UBE2Q2: variants seen among roughly 807,000 people sequenced by gnomAD.
The protein encoded by UBE2Q2 is ubiquitin conjugating enzyme E2 Q2.
A neutral mutation model predicts 59.9 loss-of-function variants in UBE2Q2; 54 were observed. The observed-to-expected ratio is 0.90, with a 90% confidence interval of 0.72 to 1.13. The LOEUF (loss-of-function observed/expected upper bound fraction) is 1.13. UBE2Q2 is among the 50% of genes most tolerant of loss of function. The pLI, the probability that UBE2Q2 is intolerant of heterozygous loss-of-function variation, is 0.00. For synonymous variants in UBE2Q2, 165 were observed against 155.2 expected (o/e 1.06, Z -0.47); for missense variants, 433 against 441.9 (o/e 0.98, Z 0.18).
chr15:75,876,083 A>AAAATT, intron 5 of UBE2Q2, 104 bp from the exon 6 acceptor site: 2 of 1,130,676 alleles, frequency 1.8e-6, no homozygotes, highest in Non-Finnish European at 2.5e-6. Context: ...AAAAAAAAAA[A>AAAATT]TGTTGAGTGG....
intron 4 of UBE2Q2, among the ~76,000 whole-genome samples, chr15:75,869,557 G>T (rs2655137): frequency 0.099 from 15,045 of 152,182 alleles, 1,891 homozygotes; most frequent in African/African-American, 0.3. Flanking sequence ...TACCAACATT[G>T]GGTGTCTGAG....
rs1316994853 is a variant in UBE2Q2, at chr15:75,843,598, CTCCGGGCCCGGCTCCCCT to C, written c.-64_-47del. ...GGGGCGGTCGCGGCCGTGACGGCGG[CTCCGGGCCCGGCTCCCCT>C]TCCGCGCCCGGCTCCCCTTCCGCGC... On this transcript the variant is annotated 5_prime_UTR_variant, in exon 1 of 13. Transcript: ENST00000267938. 167 of 1,405,002 alleles carry C rather than the reference CTCCGGGCCCGGCTCCCCT, an allele frequency of 1.2e-4. 1 individual carries two copies. In the African/African-American group the frequency reaches 1.4e-3, roughly 12 times the overall value. 87.0% of individuals were successfully genotyped at this position (1,405,002 alleles called of 1,614,324 possible).
intron 3 of UBE2Q2, among the ~76,000 whole-genome samples, chr15:75,862,445 A>T (rs1431350766): frequency 2.1e-5 from 3 of 145,926 alleles, no homozygotes; most frequent in Non-Finnish European, 3.0e-5. Flanking sequence ...ACCTTTCCTC[A>T]GGTATCTATT....
chr15:75,883,480 T>G, intron 9 of UBE2Q2, 56 bp downstream of exon 9: 1 of 1,401,796 alleles, frequency 7.1e-7, no homozygotes, highest in South Asian at 1.2e-5. Context: ...AAAATTTTTT[T>G]TTATAGGGAC....
chr15:75,879,891 T>TTA (rs1898306114), intron 8 of UBE2Q2, among the ~76,000 whole-genome samples: 1 of 152,040 alleles, frequency 6.6e-6, no homozygotes, highest in African/African-American at 2.4e-5. Flanking sequence ...AAAGAGGTGA[T>TTA]TACATACAGG....
intron 3 of UBE2Q2, among the ~76,000 whole-genome samples, chr15:75,861,584 C>T (rs1224151541): frequency 1.3e-5 from 2 of 151,912 alleles, no homozygotes; most frequent in Non-Finnish European, 2.9e-5. Flanking sequence ...TTGAAGTGTC[C>T]GTTAATGGGA....
rs60490503 is a variant in UBE2Q2, at chr15:75,856,269, G to GTATATA, written c.282+1801_282+1806dup. 5.8e-4 allele frequency among the ~76,000 whole-genome samples: 81 copies of GTATATA among 139,280 alleles called. 1 individual carries two copies. Among genetic ancestry groups the GTATATA allele is most frequent in the East Asian group, 1.6e-3 (8 of 4,876 alleles). The allele number at this position is 139,280 out of a possible 152,430, so 91.4% of individuals were successfully genotyped here. On this transcript the variant is annotated intron_variant, in intron 2 of 12. Transcript: ENST00000267938. ...TACGTGTGTGTGTGTGTGTGTGTGT[G>GTATATA]TATATATATATATATATATATATAA...
intron 9 of UBE2Q2, among the ~76,000 whole-genome samples, chr15:75,886,725 A>G (rs1233772373): frequency 6.6e-6 from 1 of 152,084 alleles, no homozygotes; most frequent in Non-Finnish European, 1.5e-5. Context: ...CGTCTCTACT[A>G]AAAATACAAA....
At chr15:75,891,745 G>A (rs921238207) in intron 11 of UBE2Q2, among the ~76,000 whole-genome samples, 12 of 152,178 alleles carry the variant, frequency 7.9e-5, no homozygotes, top group African/African-American at 1.2e-4. Context: ...TTAACCTGAA[G>A]CATAGGCTGT....
chr15:75,873,625 A>C, intron 5 of UBE2Q2, 57 bp downstream of exon 5: 1 of 1,549,336 alleles, frequency 6.5e-7, no homozygotes, highest in South Asian at 1.2e-5. Flanking sequence ...ATTGTAGTTA[A>C]TACCAGGCAA....
intron 4 of UBE2Q2, among the ~76,000 whole-genome samples, chr15:75,870,293 T>G (rs1897716604): frequency 6.6e-6 from 1 of 152,198 alleles, no homozygotes; most frequent in South Asian, 2.1e-4. Flanking sequence ...TCTCGTGAAC[T>G]CCTGACCTCA....
intron 9 of UBE2Q2, among the ~76,000 whole-genome samples, chr15:75,887,772 AGTGAAGTG>A (rs1898867132): frequency 6.6e-6 from 1 of 152,206 alleles, no homozygotes; most frequent in African/African-American, 2.4e-5. Context: ...GTTGTCTTAG[AGTGAAGTG>A]AGGAGAACCT....
intron 1 of UBE2Q2, among the ~76,000 whole-genome samples, chr15:75,853,487 A>G (rs1030247430): frequency 6.8e-6 from 1 of 147,596 alleles, no homozygotes; most frequent in African/African-American, 2.7e-5. Flanking sequence ...AAAGAAAAAA[A>G]AATTATATAT....
chr15:75,900,430 A>AT lies in UBE2Q2; in HGVS notation c.*979dup, dbSNP rs1899692013. The AT allele has an allele frequency of 6.6e-6, 1 of 152,540 alleles. No homozygotes were observed. The highest frequency in any genetic ancestry group is 1.5e-5 in the Non-Finnish European group (1 of 68,002). The allele number at this position is 152,540 out of a possible 1,614,324, so 9.4% of individuals were successfully genotyped here. A position where few individuals can be genotyped will look rare whatever the true frequency, so the allele number is the denominator to read the frequency against. On this transcript the variant is annotated 3_prime_UTR_variant, in exon 13 of 13. Transcript: ENST00000267938. ...ATTAATAGAAACTCTACATATGTTA[A>AT]TTTTTTTATAGAACCTGACTCAAAT...
intron 11 of UBE2Q2, among the ~76,000 whole-genome samples, chr15:75,893,254 G>GT (rs1049997159): frequency 7.2e-5 from 11 of 152,168 alleles, no homozygotes; most frequent in Admixed American, 3.9e-4. Context: ...AAGGTTGAAA[G>GT]TTTTTATAAA....
In UBE2Q2 at chr15:75,879,208, AC is replaced by A; in HGVS notation, c.825+24del. ...TTTAAGGTAAGAAAATAGTTACAGGACCCCATATACTTCCAGTGGGGTGCGT... is the reference window on the plus strand; with the variant it reads ...TTTAAGGTAAGAAAATAGTTACAGGACCCATATACTTCCAGTGGGGTGCGT... On this transcript the variant is annotated intron_variant, in intron 8 of 12. Transcript: ENST00000267938. The A allele has an allele frequency of 2.1e-6, 3 of 1,450,822 alleles. No individual in the cohort carries two copies. Among genetic ancestry groups the A allele is most frequent in the Non-Finnish European group, 1.9e-6 (2 of 1,055,114 alleles). 89.9% of individuals were successfully genotyped at this position (1,450,822 alleles called of 1,614,324 possible). A position where few individuals can be genotyped will look rare whatever the true frequency, so the allele number is the denominator to read the frequency against.
chr15:75,896,811 ATT>A (rs1567045023), intron 11 of UBE2Q2, among the ~76,000 whole-genome samples, 182 bp from the exon 12 acceptor site: 1 of 152,162 alleles, frequency 6.6e-6, no homozygotes, highest in Non-Finnish European at 1.5e-5. Context: ...TGGTTTTGTT[ATT>A]TTTATAAAAT....
intron 2 of UBE2Q2, among the ~76,000 whole-genome samples, chr15:75,856,269 G>GTGTGTGTGTGTATATATA (rs1256142539): frequency 3.6e-5 from 5 of 139,286 alleles, no homozygotes; most frequent in African/African-American, 1.4e-4. Context: ...GTGTGTGTGT[G>GTGTGTGTGTGTATATATA]TATATATATA....
intron 3 of UBE2Q2, among the ~76,000 whole-genome samples, chr15:75,866,290 C>T (rs1451809643): frequency 1.3e-5 from 2 of 152,118 alleles, no homozygotes; most frequent in African/African-American, 4.8e-5. Flanking sequence ...CCTCCCACCT[C>T]AGCCTCTTGA....
Sources: allele counts gnomAD v4.1 joint callset (sites outside exome capture counted in the v4.1 genomes callset), GRCh38; gene constraint gnomAD v4.1.1; transcripts MANE v1.5; gene names NCBI Gene and HGNC (gene_info 2026-07-23, HGNC 2026-07-21).